Variants in LRRK2 observed in about 807,000 individuals in gnomAD.
LRRK2 encodes the protein leucine rich repeat kinase 2, also known as leucine-rich repeat serine/threonine-protein kinase 2.
Under a neutral mutation model 302.6 loss-of-function variants are expected in LRRK2, and 203 were observed. The observed-to-expected ratio is 0.67, with a 90% confidence interval of 0.60 to 0.75. The LOEUF is 0.75. Ranked by LOEUF, LRRK2 falls within the 30% of genes least tolerant of loss-of-function variation. The probability of loss-of-function intolerance (pLI) is 0.00; values close to 1 mark genes in which losing one functional copy is unlikely to be tolerated. For synonymous variants in LRRK2, 1,066 were observed against 1,031.9 expected (o/e 1.03, Z -0.63); for missense variants, 2,830 against 2,951.0 (o/e 0.96, Z 0.95).
intron 39 of LRRK2, 88 bp from the exon 40 acceptor site, chr12:40,334,879 G>GTTCA: frequency 7.1e-7 from 1 of 1,400,784 alleles, no homozygotes; most frequent in Non-Finnish European, 1.0e-6. Context: ...AGAAATCCAT[G>GTTCA]TTCAGCCTGT....
chr12:40,312,220 G>A (rs900747853), intron 31 of LRRK2, among the ~76,000 whole-genome samples: 2 of 151,958 alleles, frequency 1.3e-5, no homozygotes, highest in Non-Finnish European at 2.9e-5. Flanking sequence ...TTTTCTTTTG[G>A]CACTTATAAA....
At chr12:40,344,723 A>T (rs1253537752) in intron 41 of LRRK2, among the ~76,000 whole-genome samples, 1 of 152,140 alleles carries the variant, frequency 6.6e-6, no homozygotes, top group Non-Finnish European at 1.5e-5. Flanking sequence ...TTAATTACAC[A>T]ATTCTTTAAC....
chr12:40,330,323 T>G (rs1250536091), intron 39 of LRRK2, among the ~76,000 whole-genome samples: 1 of 152,184 alleles, frequency 6.6e-6, no homozygotes, highest in Non-Finnish European at 1.5e-5. Context: ...TTGAAACAAT[T>G]TTCTTCAAAA....
At chr12:40,226,725 A>G (rs1188008947) in intron 2 of LRRK2, among the ~76,000 whole-genome samples, 1 of 152,242 alleles carries the variant, frequency 6.6e-6, no homozygotes, top group Admixed American at 6.5e-5. Flanking sequence ...AGATGGAGGC[A>G]TAATAAAGAT....
intron 7 of LRRK2, 44 bp downstream of exon 7, chr12:40,243,725 C>T: frequency 6.5e-7 from 1 of 1,539,448 alleles, no homozygotes; most frequent in Non-Finnish European, 9.0e-7. Context: ...GTATGATATA[C>T]ATATACATAT....
chr12:40,334,202 T>A (rs1945800846), intron 39 of LRRK2, among the ~76,000 whole-genome samples: 1 of 152,230 alleles, frequency 6.6e-6, no homozygotes, highest in Non-Finnish European at 1.5e-5. Flanking sequence ...ATACTGTGGC[T>A]AACCAGAATT....
rs1329727834 is a variant in LRRK2, at chr12:40,368,934, AAATTCT to A, written c.*1170_*1175del. 1 of 151,910 alleles carries A rather than the reference AAATTCT, an allele frequency of 6.6e-6. No individual in the cohort carries two copies. Among genetic ancestry groups the A allele is most frequent in the Non-Finnish European group, 1.5e-5 (1 of 67,788 alleles). 9.4% of individuals were successfully genotyped at this position (151,910 alleles called of 1,614,324 possible). ...CTGCTTTAGGAAAAGTACTTTCGGT[AAATTCT>A]TTGGCCCTGACCAGTATTCATTATT... On this transcript the variant is annotated 3_prime_UTR_variant, in exon 51 of 51. Transcript: ENST00000298910.
chr12:40,278,209 T>C lies in LRRK2; in HGVS notation c.2189T>C (p.Leu730Pro), dbSNP rs202172700. ...AGCATCATGGTTGAATGCTTGCTTC[T>C]ATTGGGAGCAGATGCCAATCAAGCA... Reference protein sequence around the residue: ...NNSIMVECLLLLGADANQAKE... With the variant: ...NNSIMVECLLPLGADANQAKE... The change falls in exon 18 of 51, where the codon CTA (leucine) becomes CCA (proline). Residue 730 changes from leucine to proline, a missense_variant. Leu to Pro is a moderately conservative substitution (Grantham distance 98). Around this residue, in one of 3 missense-constraint regions of LRRK2, gnomAD observed 2,121 missense variants for 2,148.0 expected, o/e 0.99. Transcript: ENST00000298910. 1.6e-5 allele frequency: 26 copies of C among 1,614,050 alleles called. No individual in the cohort carries two copies. The highest frequency in any genetic ancestry group is 2.2e-5 in the Non-Finnish European group (26 of 1,180,004).
At chr12:40,292,408 C>A (rs1271787659) in intron 20 of LRRK2, among the ~76,000 whole-genome samples, 1 of 151,896 alleles carries the variant, frequency 6.6e-6, no homozygotes, top group African/African-American at 2.4e-5. Context: ...TTCAAGAAAA[C>A]ATTAGAAATT....
intron 42 of LRRK2, among the ~76,000 whole-genome samples, chr12:40,347,926 C>T (rs1946241142): frequency 6.6e-6 from 1 of 150,394 alleles, no homozygotes; most frequent in Admixed American, 6.7e-5. Context: ...CACTGCACTC[C>T]AGCCTAAGCA....
In LRRK2 at chr12:40,367,656, G is replaced by C. The variant is rs774904977; in HGVS notation, c.7475G>C (p.Cys2492Ser). The change falls in exon 51 of 51, where the codon TGC becomes TCC. Residue 2492 changes from cysteine to serine, a missense_variant. Cys to Ser is a moderately radical substitution (Grantham distance 112, BLOSUM62 -1). This residue lies in a region of LRRK2 where 456 missense variants were observed against 456.3 expected (regional missense o/e 1.00). Coordinates refer to ENST00000298910, the MANE Select transcript of LRRK2 (RefSeq NM_198578.4). ...GTQKQKEIQS[C>S]LTVWDINLPH... ...TTTCTTTTTCTAGAGATACAATCTT[G>C]CTTGACCGTTTGGGACATCAATCTT... 1 of 1,603,146 alleles carries C rather than the reference G, an allele frequency of 6.2e-7. No individual in the cohort carries two copies. The highest frequency in any genetic ancestry group is 2.3e-5 in the East Asian group (1 of 44,404).
chr12:40,278,680 G>C (rs1224371818), intron 18 of LRRK2, among the ~76,000 whole-genome samples: 1 of 152,150 alleles, frequency 6.6e-6, no homozygotes, highest in African/African-American at 2.4e-5. Context: ...GCAGGCTGTG[G>C]ATGGCACACT....
At chr12:40,308,959 G>A in intron 29 of LRRK2, 147 bp from the exon 30 acceptor site, 1 of 1,006,992 alleles carries the variant, frequency 9.9e-7, no homozygotes, top group Non-Finnish European at 1.4e-6. Flanking sequence ...TAAAAACCCA[G>A]AATAGTTCTC....
chr12:40,244,063 C>T (rs1172601010), intron 7 of LRRK2, among the ~76,000 whole-genome samples: 1 of 151,896 alleles, frequency 6.6e-6, no homozygotes, highest in Non-Finnish European at 1.5e-5. Context: ...AAGCATAATG[C>T]AAATAACTCA....
intron 3 of LRRK2, among the ~76,000 whole-genome samples, chr12:40,233,130 GGCGGAGGTTGCAGTGA>G (rs926041153): frequency 6.6e-6 from 1 of 152,150 alleles, no homozygotes. Context: ...GAACCTGGGA[GGCGGAGGTTGCAGTGA>G]GCGGAGGTTG....
chr12:40,276,660 C>G (rs771314488), intron 16 of LRRK2, among the ~76,000 whole-genome samples: 19 of 152,160 alleles, frequency 1.2e-4, no homozygotes, highest in Non-Finnish European at 8.8e-5. Flanking sequence ...GCATGGCCTG[C>G]TCTGCTGTAG....
At chr12:40,231,988 G>A (rs1213695009) in intron 2 of LRRK2, among the ~76,000 whole-genome samples, 2 of 151,674 alleles carry the variant, frequency 1.3e-5, no homozygotes, top group Non-Finnish European at 2.9e-5. Context: ...ATTTTTAGTA[G>A]AGACTGGGTT....
intron 20 of LRRK2, among the ~76,000 whole-genome samples, chr12:40,288,829 T>A (rs986718956): frequency 6.6e-6 from 1 of 151,920 alleles, no homozygotes; most frequent in African/African-American, 2.4e-5. Flanking sequence ...CAGGTATATG[T>A]ATTGCATATT....
rs139485922 is a variant in LRRK2, at chr12:40,228,156, C to T, written c.237+2516C>T. 9.0e-3 allele frequency among the ~76,000 whole-genome samples: 1,373 copies of T among 152,206 alleles called. 12 individuals carry two copies. Among genetic ancestry groups the T allele is most frequent in the Non-Finnish European group, 0.013 (859 of 68,004 alleles). On this transcript the variant is annotated intron_variant, in intron 2 of 50. Transcript: ENST00000298910. Reference sequence around the variant, plus strand: ...CTCTTTTTAGTTTTTTAAGATACCTCCATACTGTGTTTCATCATGGCTGTG... The same window carrying T: ...CTCTTTTTAGTTTTTTAAGATACCTTCATACTGTGTTTCATCATGGCTGTG...
Sources: gnomAD v4.1 joint callset for allele counts (sites outside exome capture counted in the v4.1 genomes callset) on GRCh38, gnomAD v4.1.1 for gene constraint, gnomAD v4.1.1 regional missense constraint, MANE v1.5 for transcripts, NCBI Gene and HGNC (gene_info 2026-07-23, HGNC 2026-07-21) for gene names.